Variants in CPA6 observed in about 807,000 individuals in gnomAD.
The protein encoded by CPA6 is carboxypeptidase B.
Under a neutral mutation model 63.3 loss-of-function variants are expected in CPA6, and 58 were observed. That is an observed-to-expected ratio of 0.92 (90% confidence interval 0.74 to 1.14). The LOEUF (loss-of-function observed/expected upper bound fraction) is 1.14. CPA6 is among the 50% of genes most tolerant of loss of function. CPA6 has a pLI of 0.00. For synonymous variants in CPA6, 185 were observed against 179.0 expected (o/e 1.03, Z -0.27); for missense variants, 565 against 526.6 (o/e 1.07, Z -0.71).
intron 2 of CPA6, among the ~76,000 whole-genome samples, chr8:67,527,378 C>CA (rs1205918261): frequency 6.6e-6 from 1 of 152,024 alleles, no homozygotes; most frequent in East Asian, 1.9e-4. Flanking sequence ...GTGTATTAAC[C>CA]AAAAAAATCA....
At chr8:67,568,999 C>T (rs535107172) in intron 2 of CPA6, among the ~76,000 whole-genome samples, 37 of 152,316 alleles carry the variant, frequency 2.4e-4, no homozygotes, top group African/African-American at 7.7e-4. Context: ...GATCCACCCA[C>T]CTTGGCCTCC....
chr8:67,428,075 G>A lies in CPA6; in HGVS notation c.1098C>T (p.Tyr366=). The A allele has an allele frequency of 6.2e-7, 1 of 1,613,000 alleles. No homozygotes were observed. Among genetic ancestry groups the A allele is most frequent in the Non-Finnish European group, 8.5e-7 (1 of 1,179,120 alleles). ...NALQSVYGVR[Y]RYGPASTTLY... ...ACGTTGTGGAGGCTGGTCCATATCT[G>A]TATCGTACCCCGTATACTGACTGAA... The change falls in exon 10 of 11, where the codon TAC becomes TAT. Residue 366 remains tyrosine, a synonymous_variant. Coordinates refer to ENST00000297770, the MANE Select transcript of CPA6 (RefSeq NM_020361.5).
intron 1 of CPA6, among the ~76,000 whole-genome samples, chr8:67,733,236 A>G (rs1301029934): frequency 1.4e-5 from 2 of 141,420 alleles, no homozygotes; most frequent in Non-Finnish European, 3.1e-5. Flanking sequence ...AAAAAAATTT[A>G]GCGTCTATCA....
chr8:67,618,626 GA>G (rs1197449741), intron 2 of CPA6, among the ~76,000 whole-genome samples: 5 of 152,068 alleles, frequency 3.3e-5, no homozygotes, highest in African/African-American at 1.2e-4. Context: ...GTTTCAGTTT[GA>G]AAAAAATGAC....
chr8:67,448,235 T>C (rs1438689308), intron 8 of CPA6, among the ~76,000 whole-genome samples: 1 of 152,234 alleles, frequency 6.6e-6, no homozygotes, highest in Admixed American at 6.5e-5. Flanking sequence ...AAGACTGTCA[T>C]TTGCATTGCA....
In CPA6 at chr8:67,517,278, T is replaced by G. The variant is rs1348584217; in HGVS notation, c.317+645A>C. On this transcript the variant is annotated intron_variant, in intron 3 of 10. Transcript: ENST00000297770. ...GAGAGTCTGCTCTGAAATATTTTTTTAATGCTCTCGTGATCCTACTATTCT... is the reference window on the plus strand; with the variant it reads ...GAGAGTCTGCTCTGAAATATTTTTTGAATGCTCTCGTGATCCTACTATTCT... Among the ~76,000 whole-genome samples the G allele has an allele frequency of 2.0e-5, 3 of 152,232 alleles. No individual in the cohort carries two copies. In the South Asian group the frequency reaches 6.2e-4, roughly 32 times the overall value.
chr8:67,602,370 A>C (rs1814517777), intron 2 of CPA6, among the ~76,000 whole-genome samples: 1 of 152,152 alleles, frequency 6.6e-6, no homozygotes, highest in South Asian at 2.1e-4. Context: ...GGGGTCTTAA[A>C]AATTGTATAT....
intron 1 of CPA6, among the ~76,000 whole-genome samples, chr8:67,640,190 C>T (rs1815558346): frequency 6.6e-6 from 1 of 150,894 alleles, no homozygotes; most frequent in Admixed American, 6.6e-5. Flanking sequence ...GGCTTCGGCT[C>T]CCCCCAGCTT....
chr8:67,456,529 A>C (rs1810681447), intron 8 of CPA6, among the ~76,000 whole-genome samples: 1 of 152,218 alleles, frequency 6.6e-6, no homozygotes. Context: ...CTATATCTTC[A>C]GAAGTCCCAA....
intron 8 of CPA6, among the ~76,000 whole-genome samples, chr8:67,465,714 A>G (rs1308111942): frequency 6.6e-6 from 1 of 152,100 alleles, no homozygotes; most frequent in Non-Finnish European, 1.5e-5. Context: ...GTCTATTGAG[A>G]TACACAGATG....
Position 67,483,768 on chromosome 8 carries a change from C to T in CPA6, c.838G>A (p.Asp280Asn). 8 of 1,613,678 alleles carry T rather than the reference C, an allele frequency of 5.0e-6. No homozygotes were observed. Among genetic ancestry groups the T allele is most frequent in the Non-Finnish European group, 6.8e-6 (8 of 1,179,566 alleles). Residue 280 changes from aspartate to asparagine, a missense_variant and splice_region_variant, in exon 8 of 11, where the codon GAT (aspartate) becomes AAT (asparagine). By Grantham distance (23) the Asp-to-Asn change is conservative. Coordinates refer to ENST00000297770, the MANE Select transcript of CPA6 (RefSeq NM_020361.5). Reference sequence around the variant, plus strand: ...GGATCCCAGTTGGTCCCAAACTTACCACACCACTTCACTTTCCAGTTTCTA... The same window carrying T: ...GGATCCCAGTTGGTCCCAAACTTACTACACCACTTCACTTTCCAGTTTCTA... ...ANRNWKVKWC[D>N]EGASMHPCDD...
At chr8:67,683,129 T>C (rs1816633208) in intron 1 of CPA6, among the ~76,000 whole-genome samples, 1 of 152,342 alleles carries the variant, frequency 6.6e-6, no homozygotes, top group Non-Finnish European at 1.5e-5. Flanking sequence ...GGAGCAATCA[T>C]AGCGCTGTTT....
intron 2 of CPA6, among the ~76,000 whole-genome samples, chr8:67,552,518 A>C (rs1228994004): frequency 2.0e-5 from 3 of 152,174 alleles, no homozygotes; most frequent in Non-Finnish European, 4.4e-5. Flanking sequence ...TCATGCCTGT[A>C]ATCCCAGCAC....
chr8:67,476,298 C>G (rs150122426), intron 8 of CPA6, among the ~76,000 whole-genome samples: 2 of 151,972 alleles, frequency 1.3e-5, no homozygotes, highest in East Asian at 1.9e-4. Context: ...CCAACATGCC[C>G]GCCCCAAAGT....
At chr8:67,666,344 A>C (rs544720265) in intron 1 of CPA6, among the ~76,000 whole-genome samples, 2 of 152,264 alleles carry the variant, frequency 1.3e-5, no homozygotes, top group Admixed American at 1.3e-4. Flanking sequence ...CAAGCTCTCC[A>C]GTGTACAGTG....
rs370699024 is a variant in CPA6 at position 67,616,723 on chromosome 8, G to T, written c.192+7453C>A. Among the ~76,000 whole-genome samples, 32 of 152,094 alleles carry T rather than the reference G, an allele frequency of 2.1e-4. 1 individual carries two copies. The South Asian group carries it at 3.7e-3, about 18-fold the overall frequency. The stretch of plus-strand genomic sequence containing the variant: ...TAATGTGGCAGAAGTGACATTTACC[G>T]AGTACTCTAAGCTTGGGTTCAAGGA... On this transcript the variant is annotated intron_variant, in intron 2 of 10. Transcript: ENST00000297770.
intron 8 of CPA6, among the ~76,000 whole-genome samples, chr8:67,437,194 G>C (rs1006236246): frequency 2.6e-5 from 4 of 152,154 alleles, no homozygotes; most frequent in African/African-American, 9.7e-5. Flanking sequence ...AGGAGATCGA[G>C]ACCATCCTGG....
intron 2 of CPA6, among the ~76,000 whole-genome samples, chr8:67,614,082 C>G (rs895903104): frequency 6.6e-6 from 1 of 152,152 alleles, no homozygotes; most frequent in African/African-American, 2.4e-5. Flanking sequence ...GGCAAGAGCT[C>G]GAGATACAGA....
intron 2 of CPA6, among the ~76,000 whole-genome samples, chr8:67,554,878 G>A (rs1424081529): frequency 1.3e-5 from 2 of 152,162 alleles, no homozygotes; most frequent in Non-Finnish European, 2.9e-5. Context: ...ATGGAGGGTA[G>A]ATCTTCTCCA....
Sources: allele counts gnomAD v4.1 joint callset (sites outside exome capture counted in the v4.1 genomes callset), GRCh38; gene constraint gnomAD v4.1.1; transcripts MANE v1.5; gene names NCBI Gene and HGNC (gene_info 2026-07-23, HGNC 2026-07-21).